Variants in ARIH2 observed in about 807,000 individuals in gnomAD.
The protein encoded by ARIH2 is ariadne RBR E3 ubiquitin protein ligase 2.
In ARIH2, 12 loss-of-function variants were observed where a neutral mutation model predicts 79.8. That is an observed-to-expected ratio of 0.15 (90% confidence interval 0.10 to 0.24). The LOEUF is 0.24. ARIH2 is among the 10% of genes least tolerant of loss of function. ARIH2 has a pLI of 1.00. For synonymous variants in ARIH2, 224 were observed against 213.9 expected, an observed-to-expected ratio of 1.05 and a Z score of -0.41; for missense variants, 301 against 618.3, an observed-to-expected ratio of 0.49 and a Z score of 5.44.
chr3:48,974,705 A>G, intron 9 of ARIH2, 112 bp from the exon 10 acceptor site: 1 of 1,072,458 alleles, frequency 9.3e-7, no homozygotes, highest in East Asian at 2.4e-5. Flanking sequence ...GCTCCTCCCC[A>G]GAAGTGCTCA....
At chr3:48,971,513 G>T (rs1359157815) in intron 8 of ARIH2, among the ~76,000 whole-genome samples, 3 of 152,194 alleles carry the variant, frequency 2.0e-5, no homozygotes, top group Admixed American at 6.5e-5. Context: ...AAAGTGCTGG[G>T]ATTACAGGAT....
At chr3:48,942,834 A>G (rs1286088982) in intron 3 of ARIH2, among the ~76,000 whole-genome samples, 1 of 151,936 alleles carries the variant, frequency 6.6e-6, no homozygotes, top group Non-Finnish European at 1.5e-5. Context: ...TATTTTTAGT[A>G]GAGATGAGGT....
chr3:48,926,496 C>G (rs1219143501), intron 2 of ARIH2, among the ~76,000 whole-genome samples: 1 of 151,686 alleles, frequency 6.6e-6, no homozygotes, highest in Non-Finnish European at 1.5e-5. Flanking sequence ...TCTCGAACTC[C>G]TGACCTCAGG....
At chr3:48,965,311 G>A (rs1035485891) in intron 5 of ARIH2, among the ~76,000 whole-genome samples, 7 of 152,076 alleles carry the variant, frequency 4.6e-5, no homozygotes, top group African/African-American at 1.7e-4. Flanking sequence ...AGTGAGCCAA[G>A]ATCATGCCAC....
intron 5 of ARIH2, among the ~76,000 whole-genome samples, chr3:48,965,276 C>T (rs1385205116): frequency 2.0e-5 from 3 of 151,906 alleles, no homozygotes; most frequent in African/African-American, 4.8e-5. Flanking sequence ...AGGAGAAAGG[C>T]GTGAACCCGG....
chr3:48,973,096 A>G lies in ARIH2; in HGVS notation c.771-603A>G, dbSNP rs578133989. Among the ~76,000 whole-genome samples, 6 of 152,362 alleles carry G rather than the reference A, an allele frequency of 3.9e-5. No individual in the cohort carries two copies. In the South Asian group the frequency reaches 1.0e-3, roughly 26 times the overall value. ...AGAGACATTCATGCAGTATTTCAGT[A>G]TAACTCTGGGTAGGTAAAGGTTCCA... On this transcript the variant is annotated intron_variant, in intron 8 of 15. Coordinates refer to ENST00000356401, the MANE Select transcript of ARIH2 (RefSeq NM_006321.4).
chr3:48,975,766 T>TTA (rs2092463572), intron 11 of ARIH2, among the ~76,000 whole-genome samples: 3 of 152,102 alleles, frequency 2.0e-5, no homozygotes, highest in Non-Finnish European at 2.9e-5. Flanking sequence ...GGGTTTGCCA[T>TTA]GTTCGAGGCT....
At chr3:48,976,430 C>T (rs981548293) in intron 11 of ARIH2, among the ~76,000 whole-genome samples, 1 of 151,996 alleles carries the variant, frequency 6.6e-6, no homozygotes. Flanking sequence ...AGGCTGGTCT[C>T]GAACTTCTGA....
chr3:48,955,376 C>T (rs2090461150), intron 3 of ARIH2, among the ~76,000 whole-genome samples: 1 of 150,708 alleles, frequency 6.6e-6, no homozygotes, highest in South Asian at 2.1e-4. Flanking sequence ...TACCCTGGAT[C>T]CATTTTTCTT....
At chr3:48,967,088 ACTC>A in intron 5 of ARIH2, 34 bp from the exon 6 acceptor site, 1 of 1,604,356 alleles carries the variant, frequency 6.2e-7, no homozygotes, top group Non-Finnish European at 8.5e-7. Context: ...TCTGGACCTG[ACTC>A]CTCTTTGGCT....
intron 13 of ARIH2, 70 bp downstream of exon 13, chr3:48,980,566 T>G: frequency 1.3e-6 from 2 of 1,541,304 alleles, no homozygotes; most frequent in South Asian, 2.4e-5. Context: ...CCTCTGATAG[T>G]GGGAAGCTCT....
At chr3:48,919,171 C>T in intron 1 of ARIH2, 173 bp downstream of exon 1, 2 of 1,298,896 alleles carry the variant, frequency 1.5e-6, no homozygotes, top group Admixed American at 3.4e-5. Flanking sequence ...AGCGGCCGGG[C>T]GCCCAGCGTG....
chr3:48,983,171 A>C, intron 15 of ARIH2, 28 bp from the exon 16 acceptor site: 1 of 1,613,626 alleles, frequency 6.2e-7, no homozygotes, highest in Non-Finnish European at 8.5e-7. Context: ...TGGGCCATGC[A>C]AGCACACACC....
At chr3:48,977,024 C>T (rs1446022702) in intron 11 of ARIH2, among the ~76,000 whole-genome samples, 1 of 151,980 alleles carries the variant, frequency 6.6e-6, no homozygotes, top group East Asian at 2.0e-4. Context: ...CATGGTGAAA[C>T]CCCATCTCTA....
rs200280973 is a variant in ARIH2, at chr3:48,982,400, ATTCT to A, written c.1327-484_1327-481del. ...GATTGTACCATCACTTGGGACATTT[ATTCT>A]TTCTTTCTTTCACTGCTATAAATAG... On this transcript the variant is annotated intron_variant, in intron 14 of 15. Coordinates refer to ENST00000356401, the MANE Select transcript of ARIH2 (RefSeq NM_006321.4). Among the ~76,000 whole-genome samples, 315 of 152,276 alleles carry A rather than the reference ATTCT, an allele frequency of 2.1e-3. 5 individuals are homozygous for A. The highest frequency in any genetic ancestry group is 6.2e-3 in the East Asian group (32 of 5,186).
At chr3:48,933,354 G>A (rs1354162127) in intron 3 of ARIH2, among the ~76,000 whole-genome samples, 2 of 150,780 alleles carry the variant, frequency 1.3e-5, no homozygotes, top group African/African-American at 4.9e-5. Flanking sequence ...GTAGAGACGG[G>A]GTTTTGCCAT....
chr3:48,967,045 T>G, intron 5 of ARIH2, 80 bp from the exon 6 acceptor site: 1 of 1,461,852 alleles, frequency 6.8e-7, no homozygotes, highest in East Asian at 2.3e-5. Flanking sequence ...TCACTTTCCA[T>G]GCACCCGGCT....
At chr3:48,924,539 G>A (rs2085296311) in intron 2 of ARIH2, among the ~76,000 whole-genome samples, 4 of 151,920 alleles carry the variant, frequency 2.6e-5, no homozygotes, top group Admixed American at 2.0e-4. Context: ...TTTTGTGTGT[G>A]TGACAGTGTC....
intron 2 of ARIH2, 82 bp from the exon 3 acceptor site, chr3:48,927,380 G>A (rs968765203): frequency 4.3e-6 from 3 of 701,916 alleles, no homozygotes; most frequent in Admixed American, 3.0e-5. Flanking sequence ...GGCCAGGACT[G>A]TCCCATTTTG....
Sources: gnomAD v4.1 joint callset for allele counts (sites outside exome capture counted in the v4.1 genomes callset) on GRCh38, gnomAD v4.1.1 for gene constraint, MANE v1.5 for transcripts, NCBI Gene and HGNC (gene_info 2026-07-23, HGNC 2026-07-21) for gene names.